NARS2: variants seen among roughly 807,000 people sequenced by gnomAD.
NARS2 encodes asparaginyl-tRNA synthetase.
Under a neutral mutation model 62.9 loss-of-function variants are expected in NARS2, and 60 were observed. The observed-to-expected ratio is 0.95, with a 90% CI of 0.77 to 1.18. The LOEUF is 1.18. Among genes scored for constraint, NARS2 ranks in the 50% most tolerant of loss-of-function variants. The probability of loss-of-function intolerance (pLI) is 0.00; values close to 1 mark genes in which losing one functional copy is unlikely to be tolerated. For synonymous variants in NARS2, 196 were observed against 200.0 expected, an observed-to-expected ratio of 0.98 and a Z score of 0.17; for missense variants, 619 against 576.4, an observed-to-expected ratio of 1.07 and a Z score of -0.76.
intron 6 of NARS2, among the ~76,000 whole-genome samples, chr11:78,510,518 T>C (rs767088697): frequency 3.3e-5 from 5 of 152,112 alleles, no homozygotes; most frequent in Non-Finnish European, 7.4e-5. Context: ...TACAATACTA[T>C]TGGAAACCTC....
intron 2 of NARS2, among the ~76,000 whole-genome samples, chr11:78,570,957 G>T (rs1270824716): frequency 6.6e-6 from 1 of 152,188 alleles, no homozygotes; most frequent in Non-Finnish European, 1.5e-5. Context: ...CATGGGATGG[G>T]AACATCAGAT....
At chr11:78,533,282 G>A (rs1861546048) in intron 5 of NARS2, 2 of 152,058 alleles carry the variant, frequency 1.3e-5, no homozygotes, top group African/African-American at 4.8e-5. Context: ...TGATGAGACT[G>A]GAATTGAAGC....
Position 78,559,568 on chromosome 11 carries a change from CAG to C in NARS2, c.563_564del (p.Ser188Ter), listed in dbSNP as rs980968140. 1.2e-6 allele frequency: 2 copies of C among 1,613,138 alleles called. No individual in the cohort carries two copies. Among genetic ancestry groups the C allele is most frequent in the African/African-American group, 2.7e-5 (2 of 74,896 alleles). ...IHTPIITSND[S>X]EGAGELFQLE... ...AGTTGAAAAAGTTCTCCAGCTCCCT[CAG>C]AGTCATTGGATGTGATTATTGGAGT... On this transcript the variant is annotated frameshift_variant, in exon 5 of 14. Transcript: ENST00000281038. LOFTEE classifies it high-confidence loss of function.
intron 5 of NARS2, among the ~76,000 whole-genome samples, chr11:78,548,713 T>G (rs960671095): frequency 7.9e-5 from 12 of 152,138 alleles, no homozygotes; most frequent in African/African-American, 2.7e-4. Flanking sequence ...GGCTAACCTG[T>G]TTTTCCTCCT....
At chr11:78,446,475 T>C (rs1201153494) in intron 11 of NARS2, among the ~76,000 whole-genome samples, 1 of 152,196 alleles carries the variant, frequency 6.6e-6, no homozygotes, top group Non-Finnish European at 1.5e-5. Context: ...CTTTTAGATA[T>C]GGCTAAAATA....
chr11:78,447,165 G>T (rs1278779332), intron 11 of NARS2, among the ~76,000 whole-genome samples: 2 of 140,766 alleles, frequency 1.4e-5, no homozygotes, highest in African/African-American at 5.2e-5. Context: ...ACACCTGTTA[G>T]TGTTTTTTTT....
intron 11 of NARS2, among the ~76,000 whole-genome samples, chr11:78,448,339 C>T (rs1040792967): frequency 1.4e-4 from 20 of 139,834 alleles, no homozygotes; most frequent in Non-Finnish European, 2.6e-4. Flanking sequence ...TTTTTTGAGA[C>T]GGACTCTCGC....
intron 6 of NARS2, among the ~76,000 whole-genome samples, chr11:78,519,040 A>T (rs192184628): frequency 2.4e-4 from 37 of 152,298 alleles, no homozygotes; most frequent in African/African-American, 8.4e-4. Flanking sequence ...AGATCTCAAA[A>T]ATCAAATGAC....
intron 5 of NARS2, among the ~76,000 whole-genome samples, chr11:78,548,949 T>TC (rs1360825589): frequency 1.3e-5 from 2 of 152,098 alleles, no homozygotes; most frequent in Non-Finnish European, 2.9e-5. Context: ...CTTCCTCCTT[T>TC]CCCCTCACAG....
chr11:78,450,144 T>G (rs2135160785), intron 11 of NARS2, among the ~76,000 whole-genome samples: 1 of 152,364 alleles, frequency 6.6e-6, no homozygotes, highest in South Asian at 2.1e-4. Context: ...AAACTATATG[T>G]GCACATAAAA....
At chr11:78,487,164 C>G (rs113747921) in intron 7 of NARS2, among the ~76,000 whole-genome samples, 1 of 151,460 alleles carries the variant, frequency 6.6e-6, no homozygotes, top group Non-Finnish European at 1.5e-5. Context: ...GAGACCAGCC[C>G]GGCCAACATG....
intron 11 of NARS2, among the ~76,000 whole-genome samples, chr11:78,464,355 C>T (rs1252287127): frequency 1.3e-5 from 2 of 152,144 alleles, no homozygotes; most frequent in African/African-American, 4.8e-5. Context: ...GGAAGGGGAC[C>T]CGAGCGGGTT....
intron 13 of NARS2, 111 bp from the exon 14 acceptor site, chr11:78,436,925 C>A (rs1336005406): frequency 1.9e-6 from 2 of 1,065,304 alleles, no homozygotes; most frequent in Non-Finnish European, 2.8e-6. Flanking sequence ...TTGTTTACCT[C>A]ACTGTGATAG....
At chr11:78,521,687 G>A (rs1193708224) in intron 6 of NARS2, among the ~76,000 whole-genome samples, 1 of 150,674 alleles carries the variant, frequency 6.6e-6, no homozygotes, top group Non-Finnish European at 1.5e-5. Flanking sequence ...CTACTTGGGA[G>A]GCTGAGGCAG....
chr11:78,436,618 C>A lies in NARS2; in HGVS notation c.*52G>T. The A allele has an allele frequency of 6.3e-7, 1 of 1,575,040 alleles. No homozygotes were observed. The highest frequency in any genetic ancestry group is 1.1e-5 in the South Asian group (1 of 89,414). ...ACATGCATTCTGCTGTATGCACAAT[C>A]ATGTGCAGTGTCTCTGCCATGGGGG... On this transcript the variant is annotated 3_prime_UTR_variant, in exon 14 of 14. Coordinates refer to ENST00000281038, the MANE Select transcript of NARS2 (RefSeq NM_024678.6).
At chr11:78,504,041 T>C (rs1025269401) in intron 6 of NARS2, among the ~76,000 whole-genome samples, 3 of 152,232 alleles carry the variant, frequency 2.0e-5, no homozygotes, top group African/African-American at 4.8e-5. Flanking sequence ...TCCACAGCTA[T>C]ATAGGAAATA....
intron 11 of NARS2, among the ~76,000 whole-genome samples, chr11:78,461,673 G>A (rs989971019): frequency 2.8e-5 from 4 of 144,100 alleles, no homozygotes; most frequent in African/African-American, 7.9e-5. Context: ...GTTTAGGAAA[G>A]CAAACTTTCA....
intron 7 of NARS2, among the ~76,000 whole-genome samples, chr11:78,486,445 C>T (rs1004426308): frequency 6.6e-6 from 1 of 152,196 alleles, no homozygotes; most frequent in African/African-American, 2.4e-5. Context: ...GTGAATGCTT[C>T]TGACAATGAA....
intron 7 of NARS2, among the ~76,000 whole-genome samples, chr11:78,480,181 T>C (rs1422347850): frequency 6.6e-6 from 1 of 152,202 alleles, no homozygotes; most frequent in African/African-American, 2.4e-5. Flanking sequence ...ATTATAGGCA[T>C]GAGCCACTGC....
Sources: gnomAD v4.1 joint callset for allele counts (sites outside exome capture counted in the v4.1 genomes callset) on GRCh38, gnomAD v4.1.1 for gene constraint, MANE v1.5 for transcripts, NCBI Gene and HGNC (gene_info 2026-07-23, HGNC 2026-07-21) for gene names.